DHCR24: variants seen among roughly 807,000 people sequenced by gnomAD.
The protein encoded by DHCR24 is 24-dehydrocholesterol reductase, also known as delta(24)-sterol reductase.
Under a neutral mutation model 61.2 loss-of-function variants are expected in DHCR24, and 28 were observed. The ratio of observed to expected loss-of-function variants is 0.46; its 90% confidence interval spans 0.34 to 0.63. The LOEUF (loss-of-function observed/expected upper bound fraction) is 0.63, where lower values mean the gene tolerates loss of function less well. Ranked by LOEUF, DHCR24 falls within the 20% of genes least tolerant of loss-of-function variation. The pLI is 0.01. For missense variants in DHCR24, 538 were observed against 679.1 expected (o/e 0.79, Z 2.31); for synonymous variants, 261 against 275.9 (o/e 0.95, Z 0.54).
chr1:54,875,961 C>G lies in DHCR24; in HGVS notation c.474G>C (p.Glu158Asp). ...CCTCACCCACTGTGAGGTCATCAAG[C>G]TCAGGCAACACGGGGAGAGTCCAGC... ...SIGWTLPVLP[E>D]LDDLTVGGLI... Residue 158 changes from glutamate to aspartate, a missense_variant, in exon 3 of 9, where the codon GAG becomes GAC. Transcript: ENST00000371269. The G allele has an allele frequency of 6.2e-7, 1 of 1,613,952 alleles. No homozygotes were observed. The highest frequency in any genetic ancestry group is 8.5e-7 in the Non-Finnish European group (1 of 1,179,852).
intron 7 of DHCR24, 137 bp downstream of exon 7, chr1:54,853,900 G>A: frequency 1.1e-6 from 1 of 936,010 alleles, no homozygotes; most frequent in Non-Finnish European, 1.7e-6. Flanking sequence ...GCAGACATAG[G>A]GACAAGGACC....
chr1:54,872,273 T>C (rs1647004557), intron 4 of DHCR24, among the ~76,000 whole-genome samples: 1 of 152,208 alleles, frequency 6.6e-6, no homozygotes, highest in African/African-American at 2.4e-5. Flanking sequence ...CCTCATCTGC[T>C]TCCATAAATC....
Position 54,886,951 on chromosome 1 carries a change from C to A in DHCR24, c.169G>T (p.Val57Leu), listed in dbSNP as rs1570207582. The A allele has an allele frequency of 6.2e-7, 1 of 1,613,688 alleles. No homozygotes were observed. Among genetic ancestry groups the A allele is most frequent in the South Asian group, 1.1e-5 (1 of 91,072 alleles). The change falls in exon 1 of 9, where the codon GTG (valine) becomes TTG (leucine). Residue 57 changes from valine to leucine, a missense_variant. Physicochemically the swap from Val to Leu is conservative, Grantham distance 32 (BLOSUM62 1). Coordinates refer to ENST00000371269, the MANE Select transcript of DHCR24 (RefSeq NM_014762.4). ...DIYYYVRAWV[V>L]FKLSSAPRLH... ...CGCGGAGCGCTGCTGAGCTTGAACACCACCCAGGCGCGCACGTAGTAGTAG... is the reference window on the plus strand; with the variant it reads ...CGCGGAGCGCTGCTGAGCTTGAACAACACCCAGGCGCGCACGTAGTAGTAG...
chr1:54,886,022 G>A (rs1647092720), intron 1 of DHCR24, among the ~76,000 whole-genome samples: 2 of 152,188 alleles, frequency 1.3e-5, no homozygotes. Flanking sequence ...CTTGCCTGAA[G>A]CACCCAGCGC....
chr1:54,853,184 G>GC (rs955629019), intron 8 of DHCR24, among the ~76,000 whole-genome samples: 17 of 65,556 alleles, frequency 2.6e-4, no homozygotes, highest in African/African-American at 1.1e-3. Flanking sequence ...TGGGGCTGCT[G>GC]GGGGGGTGTG....
intron 6 of DHCR24, among the ~76,000 whole-genome samples, chr1:54,858,785 C>T (rs1328385375): frequency 6.6e-6 from 1 of 152,110 alleles, no homozygotes; most frequent in Non-Finnish European, 1.5e-5. Context: ...TACAGGCATG[C>T]ACCACCACAT....
chr1:54,878,962 C>T (rs1276639476), intron 2 of DHCR24, among the ~76,000 whole-genome samples: 1 of 152,110 alleles, frequency 6.6e-6, no homozygotes, highest in Non-Finnish European at 1.5e-5. Flanking sequence ...ACAGGGACAT[C>T]AAAACATTTA....
At position 54,876,753 on chromosome 1, in the gene DHCR24, G is replaced by A. The variant is rs754780386; in HGVS notation, c.388-706C>T. Among the ~76,000 whole-genome samples the A allele has an allele frequency of 3.3e-5, 5 of 151,636 alleles. No homozygotes were observed. The East Asian group carries it at 8.0e-4, about 24-fold the overall frequency. On this transcript the variant is annotated intron_variant, in intron 2 of 8. Transcript: ENST00000371269. The stretch of plus-strand genomic sequence containing the variant: ...TGGTTTTTTTTTCCCCACACATACT[G>A]TATTGGTACTGTGAACCGCAAATAT...
At chr1:54,862,859 G>A (rs1031764326) in intron 6 of DHCR24, among the ~76,000 whole-genome samples, 3 of 151,916 alleles carry the variant, frequency 2.0e-5, no homozygotes, top group South Asian at 2.1e-4. Context: ...GGTGGATCAC[G>A]AGGTCAGGAG....
chr1:54,852,673 T>C lies in DHCR24; in HGVS notation c.1398-287A>G, dbSNP rs644697. Among the ~76,000 whole-genome samples, 59,524 of 151,978 alleles carry C rather than the reference T, an allele frequency of 0.39. 13,000 individuals are homozygous for C. The highest frequency in any genetic ancestry group is 0.59 in the East Asian group (3,046 of 5,156). On this transcript the variant is annotated intron_variant, in intron 8 of 8. Transcript: ENST00000371269. ...TGCTTGGCCAGAGGCACAGCTGCCT[T>C]CCCTAATGGAGCAGTGGGGTTGTTT...
rs374337508 is a variant in DHCR24 at position 54,868,441 on chromosome 1, G to A, written c.876+2909C>T. ...GCCGAGATCCCGCCACTGCACTCCA[G>A]CCTGGGTGACAGAGCGAGACTCTGT... On this transcript the variant is annotated intron_variant, in intron 5 of 8. Transcript: ENST00000371269. Among the ~76,000 whole-genome samples the A allele has an allele frequency of 4.1e-4, 63 of 152,154 alleles. No individual in the cohort carries two copies. The East Asian group carries it at 0.01, about 25-fold the overall frequency.
chr1:54,865,348 T>C lies in DHCR24; in HGVS notation c.975A>G (p.Arg325=). ...NREGLEYIPL[R]HYYHRHTRSI... is the part of the protein sequence containing the mutation. ...TGCGCGTGTGGCGGTGGTAGTAGTGTCTCAAGGGAATGTACTCCAGGCCCT... is the reference window on the plus strand; with the variant it reads ...TGCGCGTGTGGCGGTGGTAGTAGTGCCTCAAGGGAATGTACTCCAGGCCCT... Residue 325 remains arginine (R), a synonymous_variant, in exon 6 of 9, where the codon AGA becomes AGG. Coordinates refer to ENST00000371269, the MANE Select transcript of DHCR24 (RefSeq NM_014762.4). 2 of 1,614,064 alleles carry C rather than the reference T, an allele frequency of 1.2e-6. No homozygotes were observed. Among genetic ancestry groups the C allele is most frequent in the Non-Finnish European group, 1.7e-6 (2 of 1,180,002 alleles).
chr1:54,879,896 A>G (rs966747634), intron 2 of DHCR24, among the ~76,000 whole-genome samples: 9 of 151,754 alleles, frequency 5.9e-5, no homozygotes, highest in African/African-American at 1.9e-4. Context: ...TTTATATTAG[A>G]AAAAAAAGGT....
intron 2 of DHCR24, among the ~76,000 whole-genome samples, chr1:54,879,189 C>T (rs1203782713): frequency 2.0e-5 from 3 of 151,746 alleles, no homozygotes; most frequent in Non-Finnish European, 4.4e-5. Context: ...CGCGGTGGTG[C>T]GCATCTGTAA....
chr1:54,872,813 A>C (rs1647007221), intron 4 of DHCR24, among the ~76,000 whole-genome samples: 1 of 152,234 alleles, frequency 6.6e-6, no homozygotes, highest in Non-Finnish European at 1.5e-5. Context: ...AGCGTTCAGG[A>C]AAGCAGGATG....
chr1:54,869,327 G>A (rs1023597097), intron 5 of DHCR24, among the ~76,000 whole-genome samples: 1 of 152,174 alleles, frequency 6.6e-6, no homozygotes, highest in African/African-American at 2.4e-5. Flanking sequence ...AGCTCTTCTC[G>A]AGGGCTGTTT....
rs1375035654 is a variant in DHCR24 at position 54,851,683 on chromosome 1, G to T, written c.*550C>A. ...GGCTGCCCTCCTGAGATCCCAGGGTGGGGAAGAGCTGTCCTTCTCCTGTGA... is the reference window on the plus strand; with the variant it reads ...GGCTGCCCTCCTGAGATCCCAGGGTTGGGAAGAGCTGTCCTTCTCCTGTGA... On this transcript the variant is annotated 3_prime_UTR_variant, in exon 9 of 9. Transcript: ENST00000371269. The T allele has an allele frequency of 6.4e-6, 1 of 157,198 alleles. No individual in the cohort carries two copies. The highest frequency in any genetic ancestry group is 1.4e-5 in the Non-Finnish European group (1 of 70,796). 9.7% of individuals were successfully genotyped at this position (157,198 alleles called of 1,614,324 possible).
At chr1:54,869,390 T>G (rs1416387885) in intron 5 of DHCR24, among the ~76,000 whole-genome samples, 2 of 152,164 alleles carry the variant, frequency 1.3e-5, no homozygotes, top group South Asian at 2.1e-4. Context: ...ACAAAGTCCA[T>G]TTTTCTGACT....
In DHCR24 at chr1:54,854,112, G is replaced by T; in HGVS notation, c.1143C>A (p.His381Gln). 3.1e-6 allele frequency: 5 copies of T among 1,614,128 alleles called. No homozygotes were observed. Among genetic ancestry groups the T allele is most frequent in the Non-Finnish European group, 4.2e-6 (5 of 1,179,990 alleles). The change falls in exon 7 of 9, where the codon CAC becomes CAA. Residue 381 changes from histidine to glutamine, a missense_variant. Coordinates refer to ENST00000371269, the MANE Select transcript of DHCR24 (RefSeq NM_014762.4). Reference sequence around the variant, plus strand: ...GCACCAGCATGTCCTGCACCACGTGGTGCTGCTCGTACAGCTTGCGCAGGG... The same window carrying T: ...GCACCAGCATGTCCTGCACCACGTGTTGCTGCTCGTACAGCTTGCGCAGGG... Reference protein sequence around the residue: ...GETLRKLYEQHHVVQDMLVPM... With the variant: ...GETLRKLYEQQHVVQDMLVPM...
Sources: gnomAD v4.1 joint callset for allele counts (sites outside exome capture counted in the v4.1 genomes callset) on GRCh38, gnomAD v4.1.1 for gene constraint, MANE v1.5 for transcripts, NCBI Gene and HGNC (gene_info 2026-07-23, HGNC 2026-07-21) for gene names.